LYN: variants seen among roughly 807,000 people sequenced by gnomAD.
LYN encodes the protein tyrosine-protein kinase Lyn.
LYN carries 12 observed loss-of-function variants against 65.0 expected under a neutral mutation model. The ratio of observed to expected loss-of-function variants is 0.18; its 90% CI spans 0.12 to 0.30. LYN has a LOEUF of 0.30. Among genes scored for constraint, LYN ranks in the 10% least tolerant of loss-of-function variants. LYN has a pLI of 1.00. For missense variants in LYN, 380 were observed against 623.2 expected (o/e 0.61, Z 4.16); for synonymous variants, 222 against 221.2 (o/e 1.00, Z -0.03).
In LYN at chr8:55,971,257, G is replaced by C. The variant is rs1162232769; in HGVS notation, c.1050+1464G>C. Among the ~76,000 whole-genome samples, 3 of 152,200 alleles carry C rather than the reference G, an allele frequency of 2.0e-5. No individual in the cohort carries two copies. The East Asian group carries it at 5.8e-4, about 29-fold the overall frequency. The stretch of plus-strand genomic sequence containing the variant: ...GTCCTCAAAGTCTATGCTGGCCCCT[G>C]GGAGGCTCCATGGGATTCCAAGGTT... On this transcript the variant is annotated intron_variant, in intron 10 of 12. Transcript: ENST00000519728.
chr8:55,989,753 C>T (rs1808191875), intron 10 of LYN, among the ~76,000 whole-genome samples: 1 of 152,174 alleles, frequency 6.6e-6, no homozygotes, highest in African/African-American at 2.4e-5. Flanking sequence ...GCTCATGACA[C>T]AGCCACCAGA....
Position 56,010,443 on chromosome 8 carries a change from A to T in LYN, c.*333A>T. ...ACTAGCTCTATGTTTACAAATGGAC[A>T]TAGGACTCAAAGTTTCAGAGACCAT... On this transcript the variant is annotated 3_prime_UTR_variant, in exon 13 of 13. Transcript: ENST00000519728. 1 of 340,576 alleles carries T rather than the reference A, an allele frequency of 2.9e-6. No individual in the cohort carries two copies. The highest frequency in any genetic ancestry group is 5.5e-6 in the Non-Finnish European group (1 of 181,148). 21.1% of individuals were successfully genotyped at this position (340,576 alleles called of 1,614,324 possible).
At position 56,010,073 on chromosome 8, in the gene LYN, A is replaced by G. The variant is rs1265332460; in HGVS notation, c.1502A>G (p.Tyr501Cys). 3 of 1,614,198 alleles carry G rather than the reference A, an allele frequency of 1.9e-6. No individual in the cohort carries two copies. The highest frequency in any genetic ancestry group is 1.7e-5 in the Admixed American group (1 of 60,026). Residue 501 changes from tyrosine to cysteine, a missense_variant, in exon 13 of 13, where the codon TAC becomes TGC. Coordinates refer to ENST00000519728, the MANE Select transcript of LYN (RefSeq NM_002350.4). ...TTACAGAGCGTCCTGGATGATTTCT[A>G]CACAGCCACGGAAGGGCAATACCAG... is the stretch of plus-strand genomic sequence containing the variant. Reference protein sequence around the residue: ...DYLQSVLDDFYTATEGQYQQQ... With the variant: ...DYLQSVLDDFCTATEGQYQQQ...
Position 56,010,431 on chromosome 8 carries a change from T to G in LYN, c.*321T>G. 1 of 366,666 alleles carries G rather than the reference T, an allele frequency of 2.7e-6. No homozygotes were observed. The highest frequency in any genetic ancestry group is 2.0e-5 in the African/African-American group (1 of 49,822). 22.7% of individuals were successfully genotyped at this position (366,666 alleles called of 1,614,324 possible). A position where few individuals can be genotyped will look rare whatever the true frequency, so the allele number is the denominator to read the frequency against. On this transcript the variant is annotated 3_prime_UTR_variant, in exon 13 of 13. Transcript: ENST00000519728. ...AAAATGCACCCAACTAGCTCTATGT[T>G]TACAAATGGACATAGGACTCAAAGT...
chr8:55,909,396 G>T (rs1212510764), intron 1 of LYN, among the ~76,000 whole-genome samples: 1 of 152,244 alleles, frequency 6.6e-6, no homozygotes, highest in Non-Finnish European at 1.5e-5. Flanking sequence ...GCTGCCATAG[G>T]TTCCACCTGA....
rs567691254 is a variant in LYN at position 55,938,478 on chromosome 8, G to T, written c.-5-3377G>T. On this transcript the variant is annotated intron_variant, in intron 1 of 12. Coordinates refer to ENST00000519728, the MANE Select transcript of LYN (RefSeq NM_002350.4). ...GGACACACATTCCCATCAGGAACCT[G>T]GTCTGCTTCCTCTCTCCTGCTGTGA... is the stretch of plus-strand genomic sequence containing the variant. Among the ~76,000 whole-genome samples, 47 of 152,266 alleles carry T rather than the reference G, an allele frequency of 3.1e-4. 2 individuals carry two copies. The South Asian group carries it at 8.5e-3, about 28-fold the overall frequency.
chr8:55,880,342 CT>C (rs548273592), intron 1 of LYN, among the ~76,000 whole-genome samples: 205 of 152,086 alleles, frequency 1.3e-3, no homozygotes, highest in African/African-American at 4.7e-3. Context: ...GGGACTGAGG[CT>C]CCGCAGGTGT....
intron 1 of LYN, among the ~76,000 whole-genome samples, chr8:55,924,557 T>C (rs1259279922): frequency 6.6e-6 from 1 of 151,386 alleles, no homozygotes; most frequent in Non-Finnish European, 1.5e-5. Context: ...AGAAACGGGG[T>C]TTCACCATGT....
Position 55,995,679 on chromosome 8 carries a change from G to A in LYN, c.1051-2667G>A, listed in dbSNP as rs1039219793. ...CTGAGACAGGCAAACTGCATAGGTC[G>A]GGTGAAAGGGGCAGGGAGGGAATGA... On this transcript the variant is annotated intron_variant, in intron 10 of 12. Transcript: ENST00000519728. 2.6e-5 allele frequency among the ~76,000 whole-genome samples: 4 copies of A among 152,222 alleles called. No homozygotes were observed. In the South Asian group the frequency reaches 8.3e-4, roughly 32 times the overall value.
intron 9 of LYN, among the ~76,000 whole-genome samples, chr8:55,968,188 ATTAAC>A (rs1807514689): frequency 2.0e-5 from 3 of 152,182 alleles, no homozygotes; most frequent in Non-Finnish European, 4.4e-5. Flanking sequence ...TGTTGAATTA[ATTAAC>A]TTAGAGTATT....
At chr8:55,989,147 C>T (rs533525825) in intron 10 of LYN, among the ~76,000 whole-genome samples, 4 of 152,290 alleles carry the variant, frequency 2.6e-5, no homozygotes, top group Non-Finnish European at 2.9e-5. Flanking sequence ...GCCTGCGCCT[C>T]GGGTGGGAGA....
chr8:55,933,213 C>G (rs16922422), intron 1 of LYN, among the ~76,000 whole-genome samples: 8,382 of 152,254 alleles, frequency 0.055, 771 homozygotes, highest in African/African-American at 0.19. Context: ...TTAAAACTAT[C>G]CCATCTAATA....
chr8:55,889,220 T>C (rs1350896925), intron 1 of LYN, among the ~76,000 whole-genome samples: 2 of 152,118 alleles, frequency 1.3e-5, no homozygotes, highest in Non-Finnish European at 2.9e-5. Context: ...GGAGGATAAT[T>C]TGAGCTCAGG....
At chr8:55,986,185 T>TCC (rs66520008) in intron 10 of LYN, among the ~76,000 whole-genome samples, 18,843 of 140,762 alleles carry the variant, frequency 0.13, 1,572 homozygotes, top group Middle Eastern at 0.19. Flanking sequence ...TCCACCAGAA[T>TCC]CCCCCCCGCA....
intron 12 of LYN, among the ~76,000 whole-genome samples, chr8:56,008,124 A>T (rs964455372): frequency 5.8e-5 from 5 of 86,638 alleles, no homozygotes; most frequent in South Asian, 3.0e-4. Flanking sequence ...GCCTCAAAAA[A>T]AAAATAAAAT....
chr8:55,941,772 A>G, intron 1 of LYN, 83 bp from the exon 2 acceptor site: 1 of 947,586 alleles, frequency 1.1e-6, no homozygotes, highest in African/African-American at 1.7e-5. Context: ...TATTTTTTCT[A>G]CTCTTTTTTA....
chr8:55,949,040 C>T (rs1183761908), intron 4 of LYN, among the ~76,000 whole-genome samples: 1 of 152,192 alleles, frequency 6.6e-6, no homozygotes, highest in African/African-American at 2.4e-5. Flanking sequence ...CTGCTTGCTT[C>T]TTCCAGTGCT....
chr8:55,883,527 G>C (rs544257872), intron 1 of LYN, among the ~76,000 whole-genome samples: 11 of 152,328 alleles, frequency 7.2e-5, no homozygotes, highest in African/African-American at 2.4e-4. Flanking sequence ...TGTCCGAGCA[G>C]CCCTAGTGAC....
At chr8:55,992,344 A>G (rs951967933) in intron 10 of LYN, among the ~76,000 whole-genome samples, 1 of 152,200 alleles carries the variant, frequency 6.6e-6, no homozygotes, top group Non-Finnish European at 1.5e-5. Flanking sequence ...CCCTGCCTCC[A>G]AGCCATGAGG....
Sources: gnomAD v4.1 joint callset for allele counts (sites outside exome capture counted in the v4.1 genomes callset) on GRCh38, gnomAD v4.1.1 for gene constraint, MANE v1.5 for transcripts, NCBI Gene and HGNC (gene_info 2026-07-23, HGNC 2026-07-21) for gene names.